MYO9B: variants seen among roughly 807,000 people sequenced by gnomAD.
MYO9B encodes the protein myosin IXB.
MYO9B carries 71 observed loss-of-function variants against 229.5 expected under a neutral mutation model. The ratio of observed to expected loss-of-function variants is 0.31; its 90% CI spans 0.26 to 0.38. MYO9B has a LOEUF of 0.38. Among genes scored for constraint, MYO9B ranks in the 10% least tolerant of loss-of-function variants. The pLI, the probability that MYO9B is intolerant of heterozygous loss-of-function variation, is 1.00. For missense variants in MYO9B, 2,255 were observed against 2,920.5 expected (o/e 0.77, Z 5.25); for synonymous variants, 1,185 against 1,235.8 (o/e 0.96, Z 0.86).
intron 38 of MYO9B, 87 bp from the exon 39 acceptor site, chr19:17,211,560 C>T (rs1164142940): frequency 7.8e-7 from 1 of 1,277,926 alleles, no homozygotes; most frequent in Non-Finnish European, 1.1e-6. Context: ...AGAGTTACAT[C>T]TAGGAGCAGG....
chr19:17,110,278 C>T (rs57769185), intron 2 of MYO9B, among the ~76,000 whole-genome samples: 3,569 of 152,290 alleles, frequency 0.023, 158 homozygotes, highest in African/African-American at 0.082. Context: ...CTGATCTGCC[C>T]GCCACTGCAG....
At chr19:17,107,875 T>C (rs1449856907) in intron 2 of MYO9B, among the ~76,000 whole-genome samples, 1 of 152,154 alleles carries the variant, frequency 6.6e-6, no homozygotes, top group East Asian at 1.9e-4. Flanking sequence ...ATACACAGTT[T>C]CTGGGGGTGA....
chr19:17,081,894 G>C (rs2057537144), intron 1 of MYO9B, among the ~76,000 whole-genome samples: 3 of 152,066 alleles, frequency 2.0e-5, no homozygotes, highest in Admixed American at 6.6e-5. Context: ...TGTGTTGAGG[G>C]CCAGGTCCAC....
rs2073236096 is a variant in MYO9B at position 17,212,001 on chromosome 19, A to T, written c.6165A>T (p.Arg2055Ser). 1 of 1,590,902 alleles carries T rather than the reference A, an allele frequency of 6.3e-7. No individual in the cohort carries two copies. The highest frequency in any genetic ancestry group is 8.6e-7 in the Non-Finnish European group (1 of 1,169,204). The stretch of plus-strand genomic sequence containing the variant: ...GGCCGTCGTCCTTCGTAACGGTCAG[A>T]GTGAAGACCCCCCGGCGGACCCCCA... ...RRRPSSFVTVRVKTPRRTPIM... is the reference protein window; with the variant it reads ...RRRPSSFVTVSVKTPRRTPIM... Residue 2055 changes from arginine (R) to serine (S), a missense_variant, in exon 40 of 40, where the codon AGA (arginine) becomes AGT (serine). Coordinates refer to ENST00000682292, the MANE Select transcript of MYO9B (RefSeq NM_004145.4). The surrounding 1 kb of genome is among the most constrained non-coding windows in gnomAD (Gnocchi z 5.4).
chr19:17,132,838 C>A (rs2072218482), intron 2 of MYO9B, among the ~76,000 whole-genome samples: 1 of 148,602 alleles, frequency 6.7e-6, no homozygotes, highest in East Asian at 2.0e-4. Flanking sequence ...TATTTTATTT[C>A]TTTTTTATTT....
At chr19:17,110,341 T>C (rs1344402409) in intron 2 of MYO9B, among the ~76,000 whole-genome samples, 1 of 151,966 alleles carries the variant, frequency 6.6e-6, no homozygotes, top group Non-Finnish European at 1.5e-5. Context: ...AAGCCATGAG[T>C]CTCCCCATCT....
At chr19:17,111,402 A>T (rs923904104) in intron 2 of MYO9B, among the ~76,000 whole-genome samples, 1 of 152,220 alleles carries the variant, frequency 6.6e-6, no homozygotes, top group Non-Finnish European at 1.5e-5. Flanking sequence ...TTATATTTAT[A>T]TCTACAGTTT....
chr19:17,169,284 A>AT lies in MYO9B; in HGVS notation c.1793+1222dup, dbSNP rs747772010. On this transcript the variant is annotated intron_variant, in intron 11 of 39. Transcript: ENST00000682292. Reference sequence around the variant, plus strand: ...CTACTCAGGAGGCTGAGGCAGGAAAATTGCTTGAACCTGGGAGGCGGAGGT... The same window carrying AT: ...CTACTCAGGAGGCTGAGGCAGGAAAATTTGCTTGAACCTGGGAGGCGGAGGT... Among the ~76,000 whole-genome samples the AT allele has an allele frequency of 5.4e-5, 8 of 148,418 alleles. No homozygotes were observed. The South Asian group carries it at 1.3e-3, about 25-fold the overall frequency.
chr19:17,182,948 GTCTC>G (rs1315293670), intron 15 of MYO9B, among the ~76,000 whole-genome samples: 1 of 151,984 alleles, frequency 6.6e-6, no homozygotes, highest in African/African-American at 2.4e-5. Flanking sequence ...TTGAGACAGA[GTCTC>G]TCTCTGTCAC....
intron 36 of MYO9B, 38 bp from the exon 37 acceptor site, chr19:17,210,295 T>C (rs1481315650): frequency 4.5e-6 from 7 of 1,558,352 alleles, no homozygotes; most frequent in Non-Finnish European, 6.1e-6. Context: ...GTGTCTGTCT[T>C]GGCCCGTGTG....
intron 2 of MYO9B, among the ~76,000 whole-genome samples, chr19:17,143,943 G>A (rs1289004225): frequency 2.6e-5 from 4 of 151,376 alleles, no homozygotes; most frequent in African/African-American, 9.7e-5. Context: ...AAAAGAAAAA[G>A]AAAAATAACT....
chr19:17,149,138 C>A (rs2072449207), intron 3 of MYO9B, among the ~76,000 whole-genome samples: 2 of 151,946 alleles, frequency 1.3e-5, no homozygotes, highest in African/African-American at 2.4e-5. Context: ...CCACACCTGG[C>A]TAATTTTTTA....
At chr19:17,090,118 CTTTTTTTTTTTTTTTTTTTT>C (rs59440394) in intron 1 of MYO9B, among the ~76,000 whole-genome samples, 28 of 49,232 alleles carry the variant, frequency 5.7e-4, no homozygotes, top group Admixed American at 9.5e-4. Context: ...TGCTTCCTTC[CTTTTTTTTTTTTTTTTTTTT>C]TTTTTTTTTT....
intron 17 of MYO9B, 100 bp from the exon 18 acceptor site, chr19:17,185,821 C>A: frequency 1.1e-6 from 1 of 910,034 alleles, no homozygotes; most frequent in Non-Finnish European, 1.8e-6. Flanking sequence ...AGACCCCATC[C>A]ACCCCACACT....
intron 8 of MYO9B, 115 bp downstream of exon 8, chr19:17,159,599 C>A: frequency 2.2e-6 from 2 of 919,970 alleles, no homozygotes; most frequent in Non-Finnish European, 3.4e-6. Context: ...AGAATGGAAC[C>A]TAGGCAGTGC....
chr19:17,080,262 G>A (rs1260996975), intron 1 of MYO9B, among the ~76,000 whole-genome samples: 9 of 152,142 alleles, frequency 5.9e-5, no homozygotes, highest in Non-Finnish European at 1.2e-4. Context: ...AGTTTGCTAG[G>A]GCTGCTGTAA....
At chr19:17,132,497 C>CTTAT (rs1188123681) in intron 2 of MYO9B, among the ~76,000 whole-genome samples, 8 of 137,332 alleles carry the variant, frequency 5.8e-5, no homozygotes, top group Admixed American at 1.5e-4. Context: ...TATTTTATTT[C>CTTAT]TTATTTATTT....
rs1460473313 is a variant in MYO9B at position 17,101,262 on chromosome 19, C to T, written c.-58-398C>T. Among the ~76,000 whole-genome samples, 1 of 151,876 alleles carries T rather than the reference C, an allele frequency of 6.6e-6. No homozygotes were observed. Among genetic ancestry groups the T allele is most frequent in the Non-Finnish European group, 1.5e-5 (1 of 67,980 alleles). On this transcript the variant is annotated intron_variant, in intron 1 of 39. Coordinates refer to ENST00000682292, the MANE Select transcript of MYO9B (RefSeq NM_004145.4). This position sits in a 1 kb window ranked among gnomAD's most constrained non-coding sequence, Gnocchi z 4.7. ...GTATAATCATGGCTCACTGCAGCCT[C>T]GATCTCCTGGGTTCAAGTGATCCTC...
chr19:17,116,232 G>A (rs892819947), intron 2 of MYO9B, among the ~76,000 whole-genome samples: 2 of 152,210 alleles, frequency 1.3e-5, no homozygotes, highest in African/African-American at 4.8e-5. Flanking sequence ...CAGGGACTCA[G>A]TGGGAAGAGG....
Sources: allele counts gnomAD v4.1 joint callset (sites outside exome capture counted in the v4.1 genomes callset), GRCh38; gene constraint gnomAD v4.1.1; non-coding constraint Gnocchi (gnomAD v3.1); transcripts MANE v1.5; gene names NCBI Gene and HGNC (gene_info 2026-07-23, HGNC 2026-07-21).